TFAP2A: variants seen among roughly 807,000 people sequenced by gnomAD.
TFAP2A encodes the protein transcription factor AP-2 alpha.
TFAP2A carries 7 observed loss-of-function variants against 41.5 expected under a neutral mutation model. The ratio of observed to expected loss-of-function variants is 0.17; its 90% CI spans 0.10 to 0.32. The LOEUF is 0.32. TFAP2A is among the 10% of genes least tolerant of loss of function. TFAP2A has a pLI of 1.00. For missense variants in TFAP2A, 416 were observed against 563.3 expected (o/e 0.74, Z 2.65); for synonymous variants, 247 against 242.8 (o/e 1.02, Z -0.16).
At chr6:10,400,288 T>C (rs138606114) in intron 6 of TFAP2A, among the ~76,000 whole-genome samples, 160 bp downstream of exon 6, 1 of 151,828 alleles carries the variant, frequency 6.6e-6, no homozygotes, top group East Asian at 1.9e-4. Flanking sequence ...CCCACCTGTA[T>C]TTCTTCCTTA....
chr6:10,411,793 T>C (rs1199905924), intron 1 of TFAP2A: 1 of 1,446,536 alleles, frequency 6.9e-7, no homozygotes, highest in Non-Finnish European at 9.1e-7. Context: ...AACCACCGAT[T>C]CGCGCGGCGC....
upstream of TFAP2A, chr6:10,417,035 C>G (rs1758269747): frequency 6.6e-6 from 1 of 152,474 alleles, no homozygotes; most frequent in Non-Finnish European, 1.5e-5. Flanking sequence ...CAGCCTGTCG[C>G]CAGTGCAGTG....
intron 5 of TFAP2A, chr6:10,402,110 T>G (rs1400156905): frequency 2.7e-6 from 1 of 365,330 alleles, no homozygotes; most frequent in Non-Finnish European, 5.3e-6. Flanking sequence ...AGGTCAAAGA[T>G]TCCCAAATTA....
chr6:10,411,968 G>A (rs1472429383), intron 1 of TFAP2A: 1 of 1,093,404 alleles, frequency 9.1e-7, no homozygotes, highest in Non-Finnish European at 1.1e-6. Context: ...TCTTAGCGGC[G>A]GCTTCGCTTG....
intron 3 of TFAP2A, chr6:10,405,218 C>T (rs1429302918): frequency 4.4e-5 from 7 of 158,644 alleles, no homozygotes; most frequent in Non-Finnish European, 4.2e-5. Flanking sequence ...TTCAAAGACC[C>T]ATTATTAAAA....
At chr6:10,418,516 C>A (rs1307758773), upstream of TFAP2A, 2 of 152,272 alleles carry the variant, frequency 1.3e-5, no homozygotes, top group East Asian at 3.8e-4. Context: ...CGGCGACAGG[C>A]AGAGCCTTTT....
intron 3 of TFAP2A, chr6:10,405,140 A>C: frequency 1.6e-5 from 3 of 183,942 alleles, no homozygotes; most frequent in East Asian, 1.4e-4. Context: ...ACATTTGCAA[A>C]CCGAGAGCAA....
intron 2 of TFAP2A, chr6:10,407,523 A>T (rs564674020): frequency 1.5e-5 from 2 of 137,746 alleles, no homozygotes; most frequent in African/African-American, 5.5e-5. Flanking sequence ...TTTTTTACAG[A>T]TGGATGGGTA....
chr6:10,403,397 A>G (rs1451284763), intron 4 of TFAP2A, among the ~76,000 whole-genome samples: 1 of 152,226 alleles, frequency 6.6e-6, no homozygotes, highest in Non-Finnish European at 1.5e-5. Flanking sequence ...GGCAAGGAAA[A>G]GATCTGTGTC....
At position 10,409,888 on chromosome 6, in the gene TFAP2A, C is replaced by T; in HGVS notation, c.486+13G>A. 1 of 1,547,602 alleles carries T rather than the reference C, an allele frequency of 6.5e-7. No individual in the cohort carries two copies. ...GCTGTGTTCCCTCCCGCGCTGGTTG[C>T]GCGGCCTCTTACCGGGACCTCCTCG... On this transcript the variant is annotated intron_variant, in intron 2 of 6. Coordinates refer to ENST00000379613, the MANE Select transcript of TFAP2A (RefSeq NM_001372066.1).
chr6:10,406,961 A>G, intron 2 of TFAP2A, 117 bp from the exon 3 acceptor site: 1 of 838,770 alleles, frequency 1.2e-6, no homozygotes, highest in East Asian at 2.5e-5. Context: ...CTCCCGTATA[A>G]TGACATTTAT....
chr6:10,403,980 C>G (rs554267474), intron 4 of TFAP2A, among the ~76,000 whole-genome samples: 1 of 152,324 alleles, frequency 6.6e-6, no homozygotes, highest in Admixed American at 6.5e-5. Flanking sequence ...CGTGCGGACT[C>G]AAGAGGACAA....
intron 1 of TFAP2A, among the ~76,000 whole-genome samples, chr6:10,414,232 A>T (rs951684581): frequency 6.6e-6 from 1 of 151,576 alleles, no homozygotes; most frequent in Admixed American, 6.6e-5. Flanking sequence ...ACATCTCCCC[A>T]CCCCACCCCC....
In TFAP2A at chr6:10,397,704, C is replaced by G. The variant is rs1190209109; in HGVS notation, c.*713G>C. ...AACAGACTCACCATATTTACAATTC[C>G]CATTAAATTACACATAAATAAATAT... On this transcript the variant is annotated 3_prime_UTR_variant, in exon 7 of 7. Transcript: ENST00000379613. 2 of 275,948 alleles carry G rather than the reference C, an allele frequency of 7.2e-6. No individual in the cohort carries two copies. The highest frequency in any genetic ancestry group is 1.1e-5 in the Non-Finnish European group (2 of 181,516). The allele number at this position is 275,948 out of a possible 1,614,324, so 17.1% of individuals were successfully genotyped here.
intron 1 of TFAP2A, chr6:10,412,658 G>C (rs774255741): frequency 9.1e-6 from 3 of 330,214 alleles, no homozygotes; most frequent in South Asian, 6.3e-5. Context: ...GACCGCGTCC[G>C]GGCGCTCGTG....
intron 5 of TFAP2A, chr6:10,400,806 A>G (rs1761979716): frequency 4.4e-6 from 3 of 684,208 alleles, no homozygotes. Context: ...AGGGCCAAGA[A>G]GACTTGAAAA....
intron 2 of TFAP2A, among the ~76,000 whole-genome samples, chr6:10,408,328 A>G (rs1757807515): frequency 6.6e-6 from 1 of 152,212 alleles, no homozygotes. Flanking sequence ...AGTTTCTCCT[A>G]CTGACCAATT....
At chr6:10,401,283 C>T (rs1761995478) in intron 5 of TFAP2A, among the ~76,000 whole-genome samples, 1 of 152,184 alleles carries the variant, frequency 6.6e-6, no homozygotes, top group Admixed American at 6.5e-5. Context: ...AACTCAACCC[C>T]CAAACCCAGA....
Position 10,409,624 on chromosome 6 carries a change from T to TG in TFAP2A, c.486+276_486+277insC, listed in dbSNP as rs1179370571. ...TACTGTCGTCGAGAGGAAGATATTG[T>TG]TAATGGTGACATTCGTCTGATTTAT... On this transcript the variant is annotated intron_variant, in intron 2 of 6. Coordinates refer to ENST00000379613, the MANE Select transcript of TFAP2A (RefSeq NM_001372066.1). 12 of 473,356 alleles carry TG rather than the reference T, an allele frequency of 2.5e-5. No homozygotes were observed. The East Asian group carries it at 3.8e-4, about 15-fold the overall frequency. The allele number at this position is 473,356 out of a possible 1,614,324, so 29.3% of individuals were successfully genotyped here.
Sources: allele counts gnomAD v4.1 joint callset (sites outside exome capture counted in the v4.1 genomes callset), GRCh38; gene constraint gnomAD v4.1.1; transcripts MANE v1.5; gene names NCBI Gene and HGNC (gene_info 2026-07-23, HGNC 2026-07-21).